CACFD1: variants seen among roughly 807,000 people sequenced by gnomAD.
CACFD1 encodes the protein calcium channel flower domain containing 1.
Under a neutral mutation model 21.3 loss-of-function variants are expected in CACFD1, and 26 were observed. The ratio of observed to expected loss-of-function variants is 1.22; its 90% CI spans 0.89 to 1.69. The LOEUF (loss-of-function observed/expected upper bound fraction) is 1.69. CACFD1 is among the 40% of genes most tolerant of loss of function. CACFD1 has a pLI of 0.00. For missense variants in CACFD1, 265 were observed against 236.2 expected (o/e 1.12, Z -0.80); for synonymous variants, 121 against 106.6 (o/e 1.13, Z -0.83).
intron 1 of CACFD1, among the ~76,000 whole-genome samples, chr9:133,462,864 C>T (rs1843274767): frequency 6.6e-6 from 1 of 152,368 alleles, no homozygotes. Flanking sequence ...GGGACTTGCT[C>T]ATGTGCAAGA....
intron 1 of CACFD1, chr9:133,462,022 C>A (rs1843238121): frequency 7.9e-7 from 1 of 1,265,930 alleles, no homozygotes. Context: ...AGCCCCCTCA[C>A]GTGGAAGATA....
At chr9:133,460,847 T>C (rs1843174388) in intron 1 of CACFD1, among the ~76,000 whole-genome samples, 1 of 152,140 alleles carries the variant, frequency 6.6e-6, no homozygotes, top group Admixed American at 6.5e-5. Context: ...GCTGCTGCCT[T>C]AGCCGCCTGT....
At chr9:133,460,248 TGCCCC>T (rs3216889) in intron 1 of CACFD1, 61 bp downstream of exon 1, 17 of 1,369,746 alleles carry the variant, frequency 1.2e-5, no homozygotes, top group South Asian at 1.5e-5. Flanking sequence ...CGCCCTGCCC[TGCCCC>T]GCCCCGCCCC....
chr9:133,469,346 C>T lies in CACFD1; in HGVS notation c.*693C>T, dbSNP rs957606927. 2 of 152,380 alleles carry T rather than the reference C, an allele frequency of 1.3e-5. No homozygotes were observed. The highest frequency in any genetic ancestry group is 4.8e-5 in the African/African-American group (2 of 41,434). The allele number at this position is 152,380 out of a possible 1,614,324, so 9.4% of individuals were successfully genotyped here. A position where few individuals can be genotyped will look rare whatever the true frequency, so the allele number is the denominator to read the frequency against. On this transcript the variant is annotated 3_prime_UTR_variant, in exon 5 of 5. Transcript: ENST00000316948. ...GGGCCCCTAGGTTCTGCCCATCACC[C>T]CCCGCCCCTGCTGGCCTTGGTGCTA...
chr9:133,468,153 A>G, intron 4 of CACFD1, 125 bp downstream of exon 4: 1 of 1,014,440 alleles, frequency 9.9e-7, no homozygotes. Context: ...GGTCCCAGTA[A>G]CTCATTGGTG....
At position 133,460,115 on chromosome 9, in the gene CACFD1, C is replaced by T; in HGVS notation, c.49C>T (p.Pro17Ser). Reference sequence around the variant, plus strand: ...CGGGGCGTCCGCCAGCTCTGCGCCGCCCGCGCAGGAAGAGGGCATGACGTG... The same window carrying T: ...CGGGGCGTCCGCCAGCTCTGCGCCGTCCGCGCAGGAAGAGGGCATGACGTG... ...APGASASSAP[P>S]AQEEGMTWWY... Residue 17 changes from proline to serine, a missense_variant, in exon 1 of 5, where the codon CCC (proline) becomes TCC (serine). Transcript: ENST00000316948. The T allele has an allele frequency of 6.4e-7, 1 of 1,563,526 alleles. No homozygotes were observed. Among genetic ancestry groups the T allele is most frequent in the Admixed American group, 1.8e-5 (1 of 54,128 alleles).
intron 2 of CACFD1, 133 bp downstream of exon 2, chr9:133,463,688 C>T (rs1226354148): frequency 2.3e-6 from 2 of 870,368 alleles, no homozygotes; most frequent in Non-Finnish European, 1.9e-6. Context: ...CTGGCTCCAG[C>T]CTGGGTGCCT....
Position 133,460,042 on chromosome 9 carries a change from G to C in CACFD1, c.-25G>C. 6.5e-7 allele frequency: 1 copy of C among 1,543,108 alleles called. No homozygotes were observed. Among genetic ancestry groups the C allele is most frequent in the Non-Finnish European group, 8.7e-7 (1 of 1,145,642 alleles). The stretch of plus-strand genomic sequence containing the variant: ...GGCTACCGAGCCCTTTGTGAGGGCT[G>C]TGAGCTGCGCCTGACGGTGGCACCA... On this transcript the variant is annotated 5_prime_UTR_variant, in exon 1 of 5. Transcript: ENST00000316948.
At chr9:133,460,497 CCT>C (rs1554798227) in intron 1 of CACFD1, among the ~76,000 whole-genome samples, 7 of 148,090 alleles carry the variant, frequency 4.7e-5, no homozygotes, top group East Asian at 2.0e-4. Flanking sequence ...GGGGCACCGG[CCT>C]GGGGCACGTG....
intron 4 of CACFD1, chr9:133,468,264 C>T: frequency 6.8e-7 from 1 of 1,466,242 alleles, no homozygotes; most frequent in Non-Finnish European, 9.0e-7. Context: ...ATAGCAAAAA[C>T]ATGGCTGGTG....
chr9:133,465,248 C>T lies in CACFD1; in HGVS notation c.195-74C>T. 6.4e-7 allele frequency: 1 copy of T among 1,552,822 alleles called. No homozygotes were observed. The highest frequency in any genetic ancestry group is 8.8e-7 in the Non-Finnish European group (1 of 1,130,022). ...GTGAGGGAGGTGGCATTCCTTATGG[C>T]ACTGGCACTGGGGGCCGCCCTCATC... is the stretch of plus-strand genomic sequence containing the variant. On this transcript the variant is annotated intron_variant, in intron 2 of 4. Coordinates refer to ENST00000316948, the MANE Select transcript of CACFD1 (RefSeq NM_017586.5). This position sits in a 1 kb window ranked among gnomAD's most constrained non-coding sequence, Gnocchi z 5.0.
chr9:133,465,662 G>C lies in CACFD1; in HGVS notation c.320+215G>C. On this transcript the variant is annotated intron_variant, in intron 3 of 4. Transcript: ENST00000316948. The surrounding 1 kb of genome is among the most constrained non-coding windows in gnomAD (Gnocchi z 5.0). ...GGAACTCAGCTGTCGCTGTGCCGTA[G>C]TCACTGGAAGGTTCAGAGGTATATG... The C allele has an allele frequency of 3.5e-6, 2 of 572,726 alleles. No homozygotes were observed. The highest frequency in any genetic ancestry group is 6.2e-6 in the Non-Finnish European group (2 of 322,006). 35.5% of individuals were successfully genotyped at this position (572,726 alleles called of 1,614,324 possible). A position where few individuals can be genotyped will look rare whatever the true frequency, so the allele number is the denominator to read the frequency against.
In CACFD1 at chr9:133,467,916, C is replaced by T. The variant is rs1554799838; in HGVS notation, c.321-5C>T. ...GTGCCCCCTTGACCTCTGCTTTCCCCCCAGGATGGCGGTCGTTCCCATCGT... is the reference window on the plus strand; with the variant it reads ...GTGCCCCCTTGACCTCTGCTTTCCCTCCAGGATGGCGGTCGTTCCCATCGT... On this transcript the variant is annotated splice_polypyrimidine_tract_variant and splice_region_variant and intron_variant, in intron 3 of 4. Coordinates refer to ENST00000316948, the MANE Select transcript of CACFD1 (RefSeq NM_017586.5). 24 of 1,610,034 alleles carry T rather than the reference C, an allele frequency of 1.5e-5. No individual in the cohort carries two copies. The highest frequency in any genetic ancestry group is 2.0e-5 in the Non-Finnish European group (23 of 1,177,924).
chr9:133,463,672 T>A, intron 2 of CACFD1, 117 bp downstream of exon 2: 6 of 1,034,140 alleles, frequency 5.8e-6, no homozygotes, highest in Non-Finnish European at 8.8e-6. Context: ...GTGGTTGCCA[T>A]GGCTACTGGC....
In CACFD1 at chr9:133,468,688, C is replaced by T. The variant is rs1554800226; in HGVS notation, c.*35C>T. On this transcript the variant is annotated 3_prime_UTR_variant, in exon 5 of 5. Coordinates refer to ENST00000316948, the MANE Select transcript of CACFD1 (RefSeq NM_017586.5). ...CGCCCCTCCCTCCCTGTCCCCTCTT[C>T]TGGCTCTGTGTGGGTCCAAGTGAGG... 6.5e-7 allele frequency: 1 copy of T among 1,540,164 alleles called. No homozygotes were observed. The highest frequency in any genetic ancestry group is 8.7e-7 in the Non-Finnish European group (1 of 1,144,630).
rs36075119 is a variant in CACFD1 at position 133,470,189 on chromosome 9, CTGTGTGTGTGTGTG to C, written c.*1560_*1573del. 2.2e-3 allele frequency: 332 copies of C among 149,780 alleles called. 3 individuals carry two copies. Among genetic ancestry groups the C allele is most frequent in the Admixed American group, 4.4e-3 (66 of 15,018 alleles). The allele number at this position is 149,780 out of a possible 1,614,324, so 9.3% of individuals were successfully genotyped here. On this transcript the variant is annotated 3_prime_UTR_variant, in exon 5 of 5. Transcript: ENST00000316948. ...TCAGGCCAGTGCTGGGTTCAAAGGG[CTGTGTGTGTGTGTG>C]TGTGTGTGTGTGTGTGTGTGTGTAT...
intron 1 of CACFD1, 44 bp from the exon 2 acceptor site, chr9:133,463,439 C>T (rs370597965): frequency 5.9e-5 from 95 of 1,613,042 alleles, no homozygotes; most frequent in Middle Eastern, 1.6e-4. Flanking sequence ...CAGCGGGCTC[C>T]GCCTGCCTCC....
chr9:133,461,759 G>C (rs1429143519), intron 1 of CACFD1: 1 of 539,928 alleles, frequency 1.9e-6, no homozygotes, highest in East Asian at 1.5e-4. Flanking sequence ...GTTGTCAGTT[G>C]CATCTGCAGA....
chr9:133,466,391 C>CTT (rs1310214902), intron 3 of CACFD1, among the ~76,000 whole-genome samples: 1 of 152,188 alleles, frequency 6.6e-6, no homozygotes, highest in Non-Finnish European at 1.5e-5. Flanking sequence ...TAAAAGCCTG[C>CTT]TTTTAACACA....
Sources: gnomAD v4.1 joint callset for allele counts (sites outside exome capture counted in the v4.1 genomes callset) on GRCh38, gnomAD v4.1.1 for gene constraint, Gnocchi (gnomAD v3.1) non-coding constraint, MANE v1.5 for transcripts, NCBI Gene and HGNC (gene_info 2026-07-23, HGNC 2026-07-21) for gene names.